Variants in OPHN1 observed in about 807,000 individuals in gnomAD.
OPHN1 encodes the protein oligophrenin 1.
Under a neutral mutation model 60.7 loss-of-function variants are expected in OPHN1, and 11 were observed. The observed-to-expected ratio is 0.18, with a 90% CI of 0.11 to 0.30. The LOEUF (loss-of-function observed/expected upper bound fraction) is 0.30, where lower values mean the gene tolerates loss of function less well. Ranked by LOEUF, OPHN1 falls within the 10% of genes least tolerant of loss-of-function variation. OPHN1 has a pLI of 1.00. For synonymous variants in OPHN1, 226 were observed against 222.6 expected (o/e 1.02, Z -0.14); for missense variants, 449 against 611.0 (o/e 0.73, Z 2.80).
intron 10 of OPHN1, among the ~76,000 whole-genome samples, chrX:68,205,479 T>TAAA (rs2077554118): frequency 9.0e-6 from 1 of 110,931 alleles, no homozygotes; most frequent in Non-Finnish European, 1.9e-5. Context: ...ACAATAATAA[T>TAAA]AAAGCATAGC....
intron 5 of OPHN1, among the ~76,000 whole-genome samples, chrX:68,248,818 T>C (rs866492651): frequency 8.9e-6 from 1 of 111,880 alleles, no homozygotes; most frequent in East Asian, 2.8e-4. Flanking sequence ...TGGAGATCAT[T>C]ATATTAAGTG....
At chrX:68,200,849 AAC>A (rs1003591950) in intron 11 of OPHN1, among the ~76,000 whole-genome samples, 1 of 111,988 alleles carries the variant, frequency 8.9e-6, no homozygotes, top group African/African-American at 3.2e-5. Context: ...CTAAGTATCT[AAC>A]ATCTAGAAAT....
chrX:68,072,211 G>A (rs189667696), intron 20 of OPHN1, among the ~76,000 whole-genome samples: 66 of 112,216 alleles, frequency 5.9e-4, no homozygotes, highest in Middle Eastern at 9.3e-3. Flanking sequence ...ATGCCCATGA[G>A]TCATCCAAGG....
At chrX:68,222,738 T>A (rs1452402792) in intron 6 of OPHN1, among the ~76,000 whole-genome samples, 4 of 89,345 alleles carry the variant, frequency 4.5e-5, no homozygotes, top group Non-Finnish European at 8.4e-5. Flanking sequence ...TGAGATCACA[T>A]GGACACAGGA....
At chrX:68,281,374 A>G (rs1429900570) in intron 4 of OPHN1, among the ~76,000 whole-genome samples, 1 of 112,381 alleles carries the variant, frequency 8.9e-6, no homozygotes, top group African/African-American at 3.2e-5. Flanking sequence ...TCCACATGCA[A>G]AACAGTGAAT....
intron 20 of OPHN1, among the ~76,000 whole-genome samples, chrX:68,068,961 G>A (rs2076923272): frequency 8.9e-6 from 1 of 112,231 alleles, no homozygotes; most frequent in South Asian, 3.7e-4. Context: ...GGGATTCTGG[G>A]ATGATGAATA....
At chrX:68,247,645 G>A (rs770828487) in intron 5 of OPHN1, among the ~76,000 whole-genome samples, 9 of 110,064 alleles carry the variant, frequency 8.2e-5, no homozygotes, top group South Asian at 3.9e-4. Flanking sequence ...CAGGTGGAGC[G>A]CAGTGGCTCA....
chrX:68,232,905 T>C (rs1300708512), intron 6 of OPHN1, among the ~76,000 whole-genome samples: 6 of 107,002 alleles, frequency 5.6e-5, no homozygotes, highest in African/African-American at 2.0e-4. Flanking sequence ...TCCTTTGCAA[T>C]ACTAACTCCA....
chrX:68,069,550 T>A (rs1184693480), intron 20 of OPHN1, among the ~76,000 whole-genome samples: 4 of 111,213 alleles, frequency 3.6e-5, no homozygotes, highest in Non-Finnish European at 7.5e-5. Context: ...ATTCTTAGAA[T>A]ATTTACTAAA....
chrX:68,317,575 G>GAGAA (rs760397325), intron 2 of OPHN1, among the ~76,000 whole-genome samples: 6 of 72,093 alleles, frequency 8.3e-5, no homozygotes, highest in East Asian at 4.2e-4. Context: ...AAGAAAGAAA[G>GAGAA]AGAAAGAAAG....
Position 68,096,891 on chromosome X carries a change from T to C in OPHN1, c.1665A>G (p.Ile555Met), listed in dbSNP as rs376148458. 1.5e-5 allele frequency: 18 copies of C among 1,208,979 alleles called. No homozygotes were observed. Among genetic ancestry groups the C allele is most frequent in the Non-Finnish European group, 2.0e-5 (18 of 894,771 alleles). The change falls in exon 19 of 25, where the codon ATA (isoleucine) becomes ATG (methionine). Residue 555 changes from isoleucine (I) to methionine (M), a missense_variant. This residue lies in a region of OPHN1 where 166 missense variants were observed against 278.4 expected (regional missense o/e 0.60). Coordinates refer to ENST00000355520, the MANE Select transcript of OPHN1 (RefSeq NM_002547.3). The stretch of plus-strand genomic sequence containing the variant: ...ATACCTTGCCAAAGTGCTCGATTAG[T>C]ATTTCCACCACTATGTTCTGGAATT... ...NIKFQNIVVE[I>M]LIEHFGKIYL...
chrX:68,131,270 G>A lies in OPHN1; in HGVS notation c.1277-11938C>T, dbSNP rs183777618. On this transcript the variant is annotated intron_variant, in intron 15 of 24. Coordinates refer to ENST00000355520, the MANE Select transcript of OPHN1 (RefSeq NM_002547.3). ...GTTTTGCTCTGTGGCCTAGGCTGGA[G>A]TGCAGTGGTGCAATCTCGGCTCACT... Among the ~76,000 whole-genome samples the A allele has an allele frequency of 3.9e-3, 425 of 108,767 alleles. 3 individuals are homozygous for A. Among genetic ancestry groups the A allele is most frequent in the Non-Finnish European group, 6.6e-3 (345 of 52,540 alleles). 94.5% of individuals were successfully genotyped at this position (108,767 alleles called of 115,157 possible).
At chrX:68,222,695 T>G (rs190672124) in intron 6 of OPHN1, among the ~76,000 whole-genome samples, 2 of 101,376 alleles carry the variant, frequency 2.0e-5, no homozygotes, top group Admixed American at 1.1e-4. Context: ...AGCAAACACC[T>G]CATATTCTCA....
intron 15 of OPHN1, among the ~76,000 whole-genome samples, chrX:68,145,093 C>CTGACACTGTA (rs1023444638): frequency 9.0e-6 from 1 of 111,576 alleles, no homozygotes; most frequent in Admixed American, 9.5e-5. Flanking sequence ...TAAGAACAAG[C>CTGACACTGTA]TGACACTGTA....
intron 6 of OPHN1, among the ~76,000 whole-genome samples, chrX:68,230,041 T>C (rs1281912886): frequency 8.9e-6 from 1 of 112,070 alleles, no homozygotes; most frequent in African/African-American, 3.2e-5. Context: ...ATCCAGAATC[T>C]ACAAAGAACT....
chrX:68,258,412 C>T (rs2077876195), intron 5 of OPHN1, among the ~76,000 whole-genome samples: 1 of 53,472 alleles, frequency 1.9e-5, no homozygotes, highest in South Asian at 2.0e-3. Context: ...CCCCCTCCTC[C>T]AACCCCCCAC....
At chrX:68,126,854 C>T (rs1053679542) in intron 15 of OPHN1, among the ~76,000 whole-genome samples, 4 of 112,230 alleles carry the variant, frequency 3.6e-5, no homozygotes, top group Non-Finnish European at 7.5e-5. Context: ...GTGAACCACT[C>T]TTTTCCACCC....
chrX:68,402,231 A>T (rs1365096121), intron 2 of OPHN1, among the ~76,000 whole-genome samples: 2 of 108,807 alleles, frequency 1.8e-5, no homozygotes, highest in African/African-American at 6.7e-5. Flanking sequence ...TTAGGCATTT[A>T]TTGGATGTAA....
At chrX:68,094,187 T>C (rs771596034) in intron 19 of OPHN1, among the ~76,000 whole-genome samples, 12 of 111,081 alleles carry the variant, frequency 1.1e-4, no homozygotes, top group Non-Finnish European at 1.9e-4. Context: ...AATGCTTTTG[T>C]ACCTTCATGA....
Sources: allele counts gnomAD v4.1 joint callset (sites outside exome capture counted in the v4.1 genomes callset), GRCh38; gene constraint gnomAD v4.1.1; regional missense constraint gnomAD v4.1.1; transcripts MANE v1.5; gene names NCBI Gene and HGNC (gene_info 2026-07-23, HGNC 2026-07-21).